Variants in NDUFA10 observed in about 807,000 individuals in gnomAD.
NDUFA10 encodes the protein NADH dehydrogenase [ubiquinone] 1 alpha subcomplex subunit 10, mitochondrial.
Under a neutral mutation model 47.8 loss-of-function variants are expected in NDUFA10, and 40 were observed. That is an observed-to-expected ratio of 0.84 (90% CI 0.65 to 1.09). The LOEUF (loss-of-function observed/expected upper bound fraction) is 1.09, where lower values mean the gene tolerates loss of function less well. NDUFA10 is among the 50% of genes least tolerant of loss of function. The pLI is 0.00. For missense variants in NDUFA10, 413 were observed against 451.1 expected (o/e 0.92, Z 0.76); for synonymous variants, 183 against 172.2 (o/e 1.06, Z -0.49).
chr2:239,915,449 GAGACAGAGATA>G (rs1371421739), intron 4 of NDUFA10, among the ~76,000 whole-genome samples: 12 of 141,372 alleles, frequency 8.5e-5, no homozygotes, highest in African/African-American at 3.1e-4. Flanking sequence ...CACACACAGA[GAGACAGAGATA>G]CACATACATA....
chr2:239,978,579 G>A (rs1695628234), intron 9 of NDUFA10, among the ~76,000 whole-genome samples: 1 of 152,218 alleles, frequency 6.6e-6, no homozygotes, highest in Non-Finnish European at 1.5e-5. Context: ...ACACCAAGTG[G>A]CAGGACCTGC....
intron 9 of NDUFA10, among the ~76,000 whole-genome samples, chr2:239,984,262 A>G (rs927358189): frequency 1.3e-5 from 2 of 151,870 alleles, no homozygotes; most frequent in Non-Finnish European, 2.9e-5. Flanking sequence ...ACAAAAACCC[A>G]GTAAGTATTA....
intron 4 of NDUFA10, among the ~76,000 whole-genome samples, chr2:239,935,791 C>T (rs550532567): frequency 1.4e-4 from 22 of 152,302 alleles, no homozygotes; most frequent in South Asian, 6.2e-4. Context: ...TTTTGCCTGC[C>T]GCCATGTAAG....
chr2:239,982,200 T>C (rs1695805751), intron 9 of NDUFA10: 3 of 1,612,864 alleles, frequency 1.9e-6, no homozygotes, highest in African/African-American at 1.3e-5. Flanking sequence ...CACAGCCCGC[T>C]GCGGGTAGGG....
intron 9 of NDUFA10, among the ~76,000 whole-genome samples, 163 bp from the exon 10 acceptor site, chr2:239,961,349 T>C (rs1373784848): frequency 6.6e-6 from 1 of 152,232 alleles, no homozygotes; most frequent in Non-Finnish European, 1.5e-5. Flanking sequence ...AGTGCAAGGA[T>C]GCCACAGGTA....
Position 239,930,709 on chromosome 2 carries a change from C to A in NDUFA10, c.295-35395G>T, listed in dbSNP as rs11901362. On this transcript the variant is annotated intron_variant, in intron 4 of 5. Coordinates refer to the NDUFA10 transcript ENST00000419408. ...ATGCACCGGGAGCCGGACCAGAGGG[C>A]GTGCAGAAGAGTTCCTGGCAGGGGA... Among the ~76,000 whole-genome samples, 1,177 of 152,206 alleles carry A rather than the reference C, an allele frequency of 7.7e-3. 16 individuals are homozygous for A. Among genetic ancestry groups the A allele is most frequent in the African/African-American group, 0.027 (1,115 of 41,522 alleles).
intron 4 of NDUFA10, among the ~76,000 whole-genome samples, chr2:239,914,523 CACAT>C (rs1381298020): frequency 3.3e-5 from 5 of 150,150 alleles, no homozygotes; most frequent in Non-Finnish European, 7.4e-5. Context: ...ACAGAACACA[CACAT>C]ACATACACAG....
intron 6 of NDUFA10, 69 bp downstream of exon 6, chr2:240,011,548 C>A: frequency 8.3e-7 from 1 of 1,210,480 alleles, no homozygotes; most frequent in South Asian, 1.2e-5. Flanking sequence ...ACTCCCTGGG[C>A]TGTTGGGGCC....
chr2:239,997,424 T>C (rs933991464), intron 8 of NDUFA10, among the ~76,000 whole-genome samples: 1 of 152,228 alleles, frequency 6.6e-6, no homozygotes, highest in Non-Finnish European at 1.5e-5. Flanking sequence ...AAACAAATAC[T>C]TGTATGGGTA....
rs981023753 is a variant in NDUFA10 at position 240,020,163 on chromosome 2, G to A, written c.460+1034C>T. ...GCTCCTAGCTCAGCTCTGAGAAGAA[G>A]CCTGTGAGCCGGCCACTCCCAGTGA... On this transcript the variant is annotated intron_variant, in intron 3 of 9. Transcript: ENST00000252711. 1.1e-4 allele frequency among the ~76,000 whole-genome samples: 17 copies of A among 152,198 alleles called. 1 individual carries two copies. Among genetic ancestry groups the A allele is most frequent in the African/African-American group, 4.1e-4 (17 of 41,466 alleles).
intron 9 of NDUFA10, chr2:239,973,648 T>C (rs752115030): frequency 4.9e-5 from 23 of 469,320 alleles, no homozygotes; most frequent in South Asian, 3.1e-4. Flanking sequence ...CTTCCTTCCA[T>C]TGAAGAGACT....
At chr2:239,920,312 T>C (rs1312448249) in intron 4 of NDUFA10, among the ~76,000 whole-genome samples, 1 of 152,136 alleles carries the variant, frequency 6.6e-6, no homozygotes, top group Non-Finnish European at 1.5e-5. Context: ...CTTTGAGACA[T>C]CCCATCAGCA....
At chr2:239,996,016 G>A (rs571382306) in intron 8 of NDUFA10, among the ~76,000 whole-genome samples, 27 of 152,158 alleles carry the variant, frequency 1.8e-4, no homozygotes, top group East Asian at 1.9e-4. Context: ...CTCAGTAACC[G>A]ACAGATCCAG....
intron 4 of NDUFA10, among the ~76,000 whole-genome samples, chr2:239,916,144 GACAC>G (rs1260029830): frequency 7.0e-6 from 1 of 143,824 alleles, no homozygotes; most frequent in Admixed American, 6.9e-5. Flanking sequence ...CAAATATACA[GACAC>G]ACACAGAGAG....
At chr2:240,015,023 C>T (rs1361316315) in intron 4 of NDUFA10, among the ~76,000 whole-genome samples, 163 bp from the exon 5 acceptor site, 1 of 152,262 alleles carries the variant, frequency 6.6e-6, no homozygotes, top group Non-Finnish European at 1.5e-5. Context: ...TGACCACACA[C>T]ATGGCATGTG....
intron 4 of NDUFA10, among the ~76,000 whole-genome samples, chr2:239,899,348 G>GGTGTGATGGAGGA (rs1224685030): frequency 2.2e-5 from 2 of 89,770 alleles, no homozygotes; most frequent in African/African-American, 3.9e-5. Context: ...GTAAAGGAGG[G>GGTGTGATGGAGGA]GTGTGATGGA....
intron 8 of NDUFA10, among the ~76,000 whole-genome samples, chr2:239,993,824 G>A (rs4149548): frequency 0.38 from 57,954 of 151,814 alleles, 11,563 homozygotes; most frequent in East Asian, 0.48. Context: ...GGAAAAAGGA[G>A]GGTTCAAGCT....
chr2:239,907,925 C>T (rs953884832), intron 4 of NDUFA10, among the ~76,000 whole-genome samples: 6 of 152,148 alleles, frequency 3.9e-5, no homozygotes, highest in Non-Finnish European at 8.8e-5. Context: ...ATAAATCGTG[C>T]TGCTATAAAG....
chr2:240,018,940 C>T (rs1697487813), intron 3 of NDUFA10, among the ~76,000 whole-genome samples: 1 of 152,172 alleles, frequency 6.6e-6, no homozygotes, highest in East Asian at 1.9e-4. Flanking sequence ...GTGCCCACCC[C>T]CATCCTGCTC....
Sources: allele counts gnomAD v4.1 joint callset (sites outside exome capture counted in the v4.1 genomes callset), GRCh38; gene constraint gnomAD v4.1.1; transcripts MANE v1.5; gene names NCBI Gene and HGNC (gene_info 2026-07-23, HGNC 2026-07-21).